Variants in RSRC1 observed in about 807,000 individuals in gnomAD.
The protein encoded by RSRC1 is serine/Arginine-related protein 53.
RSRC1 carries 39 observed loss-of-function variants against 49.1 expected under a neutral mutation model. The ratio of observed to expected loss-of-function variants is 0.79; its 90% CI spans 0.61 to 1.04. The LOEUF (loss-of-function observed/expected upper bound fraction) is 1.04. Ranked by LOEUF, RSRC1 falls within the 50% of genes least tolerant of loss-of-function variation. RSRC1 has a pLI of 0.00. For missense variants in RSRC1, 388 were observed against 402.4 expected (o/e 0.96, Z 0.31); for synonymous variants, 143 against 130.8 (o/e 1.09, Z -0.63).
intron 3 of RSRC1, among the ~76,000 whole-genome samples, chr3:158,160,806 G>A (rs1368589138): frequency 1.3e-5 from 2 of 152,132 alleles, no homozygotes; most frequent in African/African-American, 4.8e-5. Flanking sequence ...CTCTATGCTA[G>A]GAATTGTGGA....
At chr3:158,423,523 C>G (rs1424726817) in intron 6 of RSRC1, among the ~76,000 whole-genome samples, 1 of 152,182 alleles carries the variant, frequency 6.6e-6, no homozygotes, top group African/African-American at 2.4e-5. Flanking sequence ...ATGCCTCCAG[C>G]TTTGTTCTTT....
intron 7 of RSRC1, among the ~76,000 whole-genome samples, chr3:158,482,869 G>T (rs1738671518): frequency 1.3e-5 from 2 of 151,908 alleles, no homozygotes; most frequent in African/African-American, 4.8e-5. Context: ...TATGAGATTA[G>T]ATGTTGGATG....
At chr3:158,473,728 ATTACT>A (rs1310205532) in intron 7 of RSRC1, among the ~76,000 whole-genome samples, 5 of 152,120 alleles carry the variant, frequency 3.3e-5, no homozygotes, top group Admixed American at 6.6e-5. Context: ...AAGATAGTAA[ATTACT>A]TCACATGCCA....
intron 1 of RSRC1, among the ~76,000 whole-genome samples, chr3:158,114,875 G>A (rs1259210635): frequency 1.3e-5 from 2 of 152,142 alleles, no homozygotes; most frequent in African/African-American, 4.8e-5. Flanking sequence ...TACTGAAGTT[G>A]CTTGTCAGCT....
chr3:158,409,653 C>T (rs1354845483), intron 6 of RSRC1, among the ~76,000 whole-genome samples: 3 of 152,104 alleles, frequency 2.0e-5, no homozygotes, highest in African/African-American at 2.4e-5. Context: ...GGTAGGTGCT[C>T]ATTAAACTTA....
chr3:158,197,729 C>G (rs573245642), intron 3 of RSRC1, among the ~76,000 whole-genome samples: 1 of 152,120 alleles, frequency 6.6e-6, no homozygotes, highest in Non-Finnish European at 1.5e-5. Flanking sequence ...ATCTTTATTT[C>G]TGTCTTCATT....
chr3:158,204,470 G>C (rs1721240777), intron 4 of RSRC1, among the ~76,000 whole-genome samples: 1 of 152,144 alleles, frequency 6.6e-6, no homozygotes. Context: ...ATTGTGAAAT[G>C]TTACAGGAGA....
At chr3:158,473,010 A>C (rs1406337791) in intron 7 of RSRC1, among the ~76,000 whole-genome samples, 1 of 152,176 alleles carries the variant, frequency 6.6e-6, no homozygotes, top group African/African-American at 2.4e-5. Flanking sequence ...AAAGTCAGGA[A>C]ACAACAGGTG....
intron 6 of RSRC1, among the ~76,000 whole-genome samples, chr3:158,434,834 T>G (rs1197077165): frequency 1.3e-5 from 2 of 151,996 alleles, no homozygotes; most frequent in Non-Finnish European, 2.9e-5. Context: ...GGCATTGCCT[T>G]GAACAAAAGA....
chr3:158,367,227 C>A (rs1275924239), intron 6 of RSRC1, among the ~76,000 whole-genome samples: 1 of 152,084 alleles, frequency 6.6e-6, no homozygotes, highest in East Asian at 1.9e-4. Context: ...TTTCAAAGGG[C>A]ATGCTTCCAG....
intron 6 of RSRC1, among the ~76,000 whole-genome samples, chr3:158,432,541 A>T (rs911837614): frequency 1.3e-5 from 2 of 151,916 alleles, no homozygotes; most frequent in Non-Finnish European, 2.9e-5. Flanking sequence ...AATCTCACTG[A>T]TAACACTGAC....
At chr3:158,398,183 A>G (rs1207586635) in intron 6 of RSRC1, among the ~76,000 whole-genome samples, 1 of 152,062 alleles carries the variant, frequency 6.6e-6, no homozygotes, top group East Asian at 1.9e-4. Flanking sequence ...AAACTCAGGG[A>G]TAATATGAGA....
At chr3:158,176,811 C>A (rs528037267) in intron 3 of RSRC1, among the ~76,000 whole-genome samples, 205 of 152,176 alleles carry the variant, frequency 1.3e-3, no homozygotes, top group Non-Finnish European at 2.5e-3. Flanking sequence ...TAATTAAACT[C>A]AAGAGCTTCT....
intron 7 of RSRC1, among the ~76,000 whole-genome samples, chr3:158,528,724 C>T (rs1712194581): frequency 6.6e-6 from 1 of 151,916 alleles, no homozygotes; most frequent in South Asian, 2.1e-4. Flanking sequence ...TGGTATACAT[C>T]AAATTATATT....
chr3:158,459,374 G>A (rs1219038832), intron 6 of RSRC1, among the ~76,000 whole-genome samples: 1 of 152,114 alleles, frequency 6.6e-6, no homozygotes, highest in Non-Finnish European at 1.5e-5. Context: ...CTATATATAA[G>A]CAATCCATCT....
chr3:158,239,959 C>T (rs1461767766), intron 4 of RSRC1, among the ~76,000 whole-genome samples: 1 of 151,912 alleles, frequency 6.6e-6, no homozygotes, highest in Non-Finnish European at 1.5e-5. Context: ...TTTTCAAGTT[C>T]CAAAAAAACA....
chr3:158,324,896 G>A (rs1728991073), intron 5 of RSRC1, among the ~76,000 whole-genome samples: 1 of 152,146 alleles, frequency 6.6e-6, no homozygotes, highest in Non-Finnish European at 1.5e-5. Context: ...AGCACCTGCT[G>A]TTTCCTGACT....
intron 5 of RSRC1, among the ~76,000 whole-genome samples, chr3:158,345,851 A>G (rs888762434): frequency 1.3e-5 from 2 of 148,488 alleles, no homozygotes; most frequent in Non-Finnish European, 3.0e-5. Context: ...AATAATATAT[A>G]TATTTATCAT....
intron 5 of RSRC1, among the ~76,000 whole-genome samples, chr3:158,316,968 A>G (rs565940632): frequency 1.3e-5 from 2 of 152,344 alleles, no homozygotes; most frequent in African/African-American, 2.4e-5. Context: ...TTTTGGCTAC[A>G]GTAAAAATCA....
Sources: gnomAD v4.1 joint callset for allele counts (sites outside exome capture counted in the v4.1 genomes callset) on GRCh38, gnomAD v4.1.1 for gene constraint, MANE v1.5 for transcripts, NCBI Gene and HGNC (gene_info 2026-07-23, HGNC 2026-07-21) for gene names.